ZFYVE9: variants seen among roughly 807,000 people sequenced by gnomAD.
ZFYVE9 encodes the protein zinc finger FYVE-type containing 9.
A neutral mutation model predicts 126.7 loss-of-function variants in ZFYVE9; 43 were observed. The ratio of observed to expected loss-of-function variants is 0.34; its 90% confidence interval spans 0.27 to 0.44. The LOEUF (loss-of-function observed/expected upper bound fraction) is 0.44. Ranked by LOEUF, ZFYVE9 falls within the 20% of genes least tolerant of loss-of-function variation. The pLI is 1.00. For missense variants in ZFYVE9, 1,476 were observed against 1,697.0 expected, an observed-to-expected ratio of 0.87 and a Z score of 2.29; for synonymous variants, 521 against 597.4, an observed-to-expected ratio of 0.87 and a Z score of 1.87.
chr1:52,174,809 C>A (rs547648946), intron 1 of ZFYVE9, among the ~76,000 whole-genome samples: 174 of 151,502 alleles, frequency 1.1e-3, no homozygotes, highest in East Asian at 2.9e-3. Flanking sequence ...CTGTTTTATC[C>A]GAGACTAGGA....
chr1:52,146,124 A>G (rs963062531), intron 1 of ZFYVE9, among the ~76,000 whole-genome samples: 2 of 152,122 alleles, frequency 1.3e-5, no homozygotes, highest in Admixed American at 6.5e-5. Context: ...GTTGATTTGC[A>G]TAGCACTTAC....
At chr1:52,261,202 T>C (rs532175331) in intron 4 of ZFYVE9, among the ~76,000 whole-genome samples, 5 of 151,574 alleles carry the variant, frequency 3.3e-5, no homozygotes, top group Non-Finnish European at 7.4e-5. Flanking sequence ...TATTCACTTG[T>C]ATGGTTTTTC....
At chr1:52,316,055 C>T (rs1272351201) in intron 13 of ZFYVE9, among the ~76,000 whole-genome samples, 1 of 145,426 alleles carries the variant, frequency 6.9e-6, no homozygotes, top group Non-Finnish European at 1.5e-5. Context: ...GTCCCACCTA[C>T]TCGGGAGGCT....
intron 4 of ZFYVE9, among the ~76,000 whole-genome samples, chr1:52,255,354 C>G (rs531542019): frequency 6.6e-6 from 1 of 151,950 alleles, no homozygotes; most frequent in African/African-American, 2.4e-5. Flanking sequence ...GAGGCTGAGG[C>G]GGGCGGATCA....
chr1:52,216,702 C>A (rs116753889), intron 2 of ZFYVE9, among the ~76,000 whole-genome samples: 3,052 of 152,194 alleles, frequency 0.02, 92 homozygotes, highest in African/African-American at 0.069. Flanking sequence ...AATTTCCCTC[C>A]CAGTGCTGGC....
intron 10 of ZFYVE9, among the ~76,000 whole-genome samples, chr1:52,285,737 G>A (rs1031621795): frequency 2.6e-5 from 4 of 152,090 alleles, no homozygotes; most frequent in Non-Finnish European, 5.9e-5. Flanking sequence ...TAGAAATAAG[G>A]TGCACAATAA....
In ZFYVE9 at chr1:52,237,789, T is replaced by C; in HGVS notation, c.372T>C (p.Asp124=). ...QLIKRNYSWD[D]QCSAVEVGEK... ...TTAAGAGAAACTATAGTTGGGATGATCAATGCAGTGCTGTTGAAGTGGGAG... is the reference window on the plus strand; with the variant it reads ...TTAAGAGAAACTATAGTTGGGATGACCAATGCAGTGCTGTTGAAGTGGGAG... Residue 124 remains aspartate, a synonymous_variant, in exon 4 of 19, where the codon GAT becomes GAC. Transcript: ENST00000287727. 1 of 1,614,138 alleles carries C rather than the reference T, an allele frequency of 6.2e-7. No individual in the cohort carries two copies. Among genetic ancestry groups the C allele is most frequent in the Non-Finnish European group, 8.5e-7 (1 of 1,180,006 alleles).
intron 4 of ZFYVE9, among the ~76,000 whole-genome samples, chr1:52,257,058 A>C (rs1645528900): frequency 6.6e-6 from 1 of 152,240 alleles, no homozygotes; most frequent in Admixed American, 6.5e-5. Flanking sequence ...CAAAGGAATA[A>C]GTGTTATTCA....
At chr1:52,256,430 G>A (rs1645520118) in intron 4 of ZFYVE9, among the ~76,000 whole-genome samples, 1 of 151,610 alleles carries the variant, frequency 6.6e-6, no homozygotes, top group African/African-American at 2.4e-5. Context: ...GGAGTGCAGT[G>A]GCACAACCTC....
rs183819499 is a variant in ZFYVE9 at position 52,156,977 on chromosome 1, C to T, written c.-143+14574C>T. Among the ~76,000 whole-genome samples the T allele has an allele frequency of 1.7e-4, 26 of 152,090 alleles. 1 individual carries two copies. Among genetic ancestry groups the T allele is most frequent in the Admixed American group, 5.2e-4 (8 of 15,272 alleles). On this transcript the variant is annotated intron_variant, in intron 1 of 18. Transcript: ENST00000287727. ...CCTCCCGAGTAGCTGGGACTACAGG[C>T]GCCCGCCACCTCGCCCGGCTAAATT...
At chr1:52,159,930 G>C (rs1335270495) in intron 1 of ZFYVE9, among the ~76,000 whole-genome samples, 1 of 151,816 alleles carries the variant, frequency 6.6e-6, no homozygotes, top group Non-Finnish European at 1.5e-5. Flanking sequence ...TGAGTAGCTG[G>C]GACTACAGGC....
chr1:52,325,306 C>A lies in ZFYVE9; in HGVS notation c.3439-7462C>A, dbSNP rs145458424. Among the ~76,000 whole-genome samples the A allele has an allele frequency of 3.9e-3, 597 of 151,820 alleles. 13 individuals are homozygous for A. In the South Asian group the frequency reaches 0.044, roughly 11 times the overall value. Reference sequence around the variant, plus strand: ...CTGCACCACTGCACTCTAGCCTGGGCGACAGAGCGAGACTCCATCTCTAAA... The same window carrying A: ...CTGCACCACTGCACTCTAGCCTGGGAGACAGAGCGAGACTCCATCTCTAAA... On this transcript the variant is annotated intron_variant, in intron 13 of 18. Transcript: ENST00000287727.
intron 1 of ZFYVE9, among the ~76,000 whole-genome samples, chr1:52,185,556 T>C (rs1644757064): frequency 6.6e-6 from 1 of 152,196 alleles, no homozygotes; most frequent in Non-Finnish European, 1.5e-5. Flanking sequence ...TTTATTGAGT[T>C]GGAAGTTTTA....
chr1:52,309,580 G>C (rs954483373), intron 13 of ZFYVE9, among the ~76,000 whole-genome samples: 2 of 152,192 alleles, frequency 1.3e-5, no homozygotes, highest in African/African-American at 4.8e-5. Context: ...AGCTCATAGG[G>C]AAATGGGAGA....
At chr1:52,191,286 G>A (rs1159030964) in intron 1 of ZFYVE9, among the ~76,000 whole-genome samples, 2 of 152,146 alleles carry the variant, frequency 1.3e-5, no homozygotes, top group Non-Finnish European at 2.9e-5. Flanking sequence ...TTTTGAGGTG[G>A]GAGATAGTGT....
At chr1:52,247,162 G>A (rs761872925) in intron 4 of ZFYVE9, among the ~76,000 whole-genome samples, 2 of 152,130 alleles carry the variant, frequency 1.3e-5, no homozygotes, top group Non-Finnish European at 2.9e-5. Flanking sequence ...CACTGGTTGG[G>A]CTCCTTGGGA....
At chr1:52,146,132 T>C (rs1211223432) in intron 1 of ZFYVE9, among the ~76,000 whole-genome samples, 1 of 152,042 alleles carries the variant, frequency 6.6e-6, no homozygotes, top group Non-Finnish European at 1.5e-5. Context: ...GCATAGCACT[T>C]ACAATTGTAT....
intron 1 of ZFYVE9, among the ~76,000 whole-genome samples, chr1:52,207,231 C>T (rs986377460): frequency 6.6e-6 from 1 of 152,202 alleles, no homozygotes; most frequent in Non-Finnish European, 1.5e-5. Flanking sequence ...TTACTCCAGA[C>T]GTGAGAATTA....
chr1:52,191,551 G>A (rs1644816762), intron 1 of ZFYVE9, among the ~76,000 whole-genome samples: 1 of 152,138 alleles, frequency 6.6e-6, no homozygotes, highest in South Asian at 2.1e-4. Context: ...AAGTATTTCT[G>A]CATTGTCATC....
Sources: gnomAD v4.1 joint callset for allele counts (sites outside exome capture counted in the v4.1 genomes callset) on GRCh38, gnomAD v4.1.1 for gene constraint, MANE v1.5 for transcripts, NCBI Gene and HGNC (gene_info 2026-07-23, HGNC 2026-07-21) for gene names.